CFAP47: variants seen among roughly 807,000 people sequenced by gnomAD.
CFAP47 encodes the protein cilia and flagella associated protein 47, also known as cilia- and flagella-associated protein 47.
A neutral mutation model predicts 148.1 loss-of-function variants in CFAP47; 29 were observed. The ratio of observed to expected loss-of-function variants is 0.20; its 90% CI spans 0.15 to 0.27. The LOEUF is 0.27. Among genes scored for constraint, CFAP47 ranks in the 10% least tolerant of loss-of-function variants. The pLI, the probability that CFAP47 is intolerant of heterozygous loss-of-function variation, is 1.00. For missense variants in CFAP47, 1,872 were observed against 1,697.5 expected, an observed-to-expected ratio of 1.10 and a Z score of -1.81; for synonymous variants, 664 against 577.3, an observed-to-expected ratio of 1.15 and a Z score of -2.15.
rs200182069 is a variant in CFAP47 at position 35,933,482 on chromosome X, G to T, written c.401+7314G>T. Among the ~76,000 whole-genome samples, 35 of 111,973 alleles carry T rather than the reference G, an allele frequency of 3.1e-4. No homozygotes were observed. In the East Asian group the frequency reaches 8.4e-3, roughly 27 times the overall value. Reference sequence around the variant, plus strand: ...AGTTCATCTGTTGATGGACACTTGGGTTGCTTCCAATTCTTGGCTACTGTG... The same window carrying T: ...AGTTCATCTGTTGATGGACACTTGGTTTGCTTCCAATTCTTGGCTACTGTG... On this transcript the variant is annotated intron_variant, in intron 2 of 63. Coordinates refer to ENST00000378653, the MANE Select transcript of CFAP47 (RefSeq NM_001304548.2).
In CFAP47 at chrX:35,970,879, T is replaced by G; in HGVS notation, c.1926T>G (p.Leu642=). 8.4e-7 allele frequency: 1 copy of G among 1,193,397 alleles called. No homozygotes were observed. The highest frequency in any genetic ancestry group is 1.1e-6 in the Non-Finnish European group (1 of 887,022). The change falls in exon 11 of 64, where the codon CTT becomes CTG. Residue 642 remains leucine (L), a synonymous_variant. Transcript: ENST00000378653. ...ATGAAAACTATTATGCAATGTATCTTAAATATTTAAGAAGTGTGCGCTTGC... is the reference window on the plus strand; with the variant it reads ...ATGAAAACTATTATGCAATGTATCTGAAATATTTAAGAAGTGTGCGCTTGC... ...KLHENYYAMY[L]KYLRSVRLQK... is the part of the protein sequence containing the mutation.
At chrX:36,308,400 T>C (rs1941367684) in intron 55 of CFAP47, among the ~76,000 whole-genome samples, 1 of 110,999 alleles carries the variant, frequency 9.0e-6, no homozygotes, top group Non-Finnish European at 1.9e-5. Context: ...TCTCAATATA[T>C]TGCTGTAACC....
At chrX:36,370,858 A>G (rs1383830533) in intron 62 of CFAP47, among the ~76,000 whole-genome samples, 2 of 111,117 alleles carry the variant, frequency 1.8e-5, no homozygotes, top group African/African-American at 6.6e-5. Context: ...CTGAAAAGGA[A>G]CGACCCCCTG....
At chrX:36,248,496 T>TCACACACACACACACACACA (rs60595897) in intron 48 of CFAP47, among the ~76,000 whole-genome samples, 96 of 95,448 alleles carry the variant, frequency 1.0e-3, no homozygotes, top group African/African-American at 3.5e-3. Flanking sequence ...ACATATTATA[T>TCACACACACACACACACACA]CACACACACA....
At chrX:36,235,263 G>C in intron 46 of CFAP47, among the ~76,000 whole-genome samples, 1 of 112,048 alleles carries the variant, frequency 8.9e-6, no homozygotes, top group African/African-American at 3.2e-5. Context: ...AGCTGCGGTG[G>C]GCTCCACCCA....
At chrX:36,026,822 A>G (rs948200959) in intron 22 of CFAP47, among the ~76,000 whole-genome samples, 3 of 110,218 alleles carry the variant, frequency 2.7e-5, no homozygotes, top group African/African-American at 9.9e-5. Flanking sequence ...GAGAATTTTC[A>G]TGTCTGAAAG....
At chrX:36,066,598 C>G (rs1937643874) in intron 27 of CFAP47, among the ~76,000 whole-genome samples, 1 of 111,777 alleles carries the variant, frequency 8.9e-6, no homozygotes, top group South Asian at 3.7e-4. Context: ...AGCCAGGGCT[C>G]TCTCTTGCCT....
In CFAP47 at chrX:36,071,854, G is replaced by A. The variant is rs1171407988; in HGVS notation, c.4348G>A (p.Asp1450Asn). The stretch of plus-strand genomic sequence containing the variant: ...GGATGAATATCTTAAGAAGACTAGA[G>A]ATGGTGTTTTGCCTCCCTACCAGGA... The part of the protein sequence containing the change: ...DKDEYLKKTR[D>N]GVLPPYQDAK... Residue 1450 changes from aspartate (D) to asparagine (N), a missense_variant, in exon 28 of 64, where the codon GAT becomes AAT. Asp to Asn is a conservative substitution (Grantham distance 23). Coordinates refer to ENST00000378653, the MANE Select transcript of CFAP47 (RefSeq NM_001304548.2). 6 of 1,206,008 alleles carry A rather than the reference G, an allele frequency of 5.0e-6. No homozygotes were observed. The highest frequency in any genetic ancestry group is 5.6e-6 in the Non-Finnish European group (5 of 892,738).
At chrX:36,062,626 A>G (rs2059848238) in intron 26 of CFAP47, among the ~76,000 whole-genome samples, 1 of 111,454 alleles carries the variant, frequency 9.0e-6, no homozygotes, top group Non-Finnish European at 1.9e-5. Flanking sequence ...CATCCACAGA[A>G]TACTTATTAA....
intron 57 of CFAP47, among the ~76,000 whole-genome samples, chrX:36,338,843 G>A (rs1941630136): frequency 1.8e-5 from 2 of 111,573 alleles, no homozygotes; most frequent in South Asian, 7.6e-4. Flanking sequence ...AATTTCTTTA[G>A]GTGCTCTGCT....
intron 49 of CFAP47, among the ~76,000 whole-genome samples, chrX:36,253,376 A>G (rs1177251570): frequency 1.8e-5 from 2 of 111,512 alleles, no homozygotes; most frequent in Non-Finnish European, 3.8e-5. Context: ...CCTAGCTCTA[A>G]TTTTTATTGA....
chrX:35,975,218 A>G lies in CFAP47; in HGVS notation c.2326A>G (p.Met776Val). The change falls in exon 14 of 64, where the codon ATG becomes GTG. Residue 776 changes from methionine to valine, a missense_variant. Physicochemically the swap from Met to Val is conservative, Grantham distance 21. Coordinates refer to ENST00000378653, the MANE Select transcript of CFAP47 (RefSeq NM_001304548.2). ...PNTHLLHVINMLPMHVLLQLD... is the reference protein window; with the variant it reads ...PNTHLLHVINVLPMHVLLQLD... ...TACTCATCTACTTCATGTTATTAAT[A>G]TGCTACCTATGCATGTTTTGCTCCA... The G allele has an allele frequency of 1.7e-6, 2 of 1,197,786 alleles. No individual in the cohort carries two copies. The highest frequency in any genetic ancestry group is 3.5e-5 in the South Asian group (2 of 56,519).
chrX:36,241,316 G>A (rs1048632695), intron 48 of CFAP47, among the ~76,000 whole-genome samples: 4 of 111,859 alleles, frequency 3.6e-5, no homozygotes, highest in South Asian at 7.4e-4. Flanking sequence ...GAGTGCAGCC[G>A]TAAGTGTCCA....
chrX:36,232,345 A>G lies in CFAP47; in HGVS notation c.7014+3521A>G, dbSNP rs782518226. Among the ~76,000 whole-genome samples the G allele has an allele frequency of 8.9e-3, 991 of 111,182 alleles. 13 individuals carry two copies. The highest frequency in any genetic ancestry group is 0.03 in the African/African-American group (926 of 30,569). On this transcript the variant is annotated intron_variant, in intron 46 of 63. Coordinates refer to ENST00000378653, the MANE Select transcript of CFAP47 (RefSeq NM_001304548.2). ...CTTCTTCCTGGTTTAGTCTTGGGAGAGTGTATGTGTCAAGGAATTTATCCA... is the reference window on the plus strand; with the variant it reads ...CTTCTTCCTGGTTTAGTCTTGGGAGGGTGTATGTGTCAAGGAATTTATCCA...
intron 21 of CFAP47, among the ~76,000 whole-genome samples, chrX:36,003,516 GAATT>G (rs1238993833): frequency 1.8e-5 from 2 of 109,675 alleles, no homozygotes; most frequent in Non-Finnish European, 3.8e-5. Context: ...GTGAAGGACT[GAATT>G]AATTATTTAA....
intron 22 of CFAP47, among the ~76,000 whole-genome samples, chrX:36,027,432 A>G (rs769274013): frequency 9.0e-6 from 1 of 110,534 alleles, no homozygotes; most frequent in East Asian, 2.9e-4. Flanking sequence ...AAGTAAGAAC[A>G]TGCAGTATTT....
chrX:36,084,838 A>C (rs1238060028), intron 29 of CFAP47, among the ~76,000 whole-genome samples: 1 of 111,783 alleles, frequency 8.9e-6, no homozygotes, highest in Non-Finnish European at 1.9e-5. Flanking sequence ...TAAGCATTAA[A>C]ATACAAATAG....
chrX:36,145,269 C>G lies in CFAP47; in HGVS notation c.5586C>G (p.Val1862=), dbSNP rs764694075. The G allele has an allele frequency of 6.3e-5, 19 of 299,725 alleles. No homozygotes were observed. In the East Asian group the frequency reaches 8.5e-4, roughly 13 times the overall value. 24.7% of individuals were successfully genotyped at this position (299,725 alleles called of 1,213,427 possible). Residue 1862 remains valine, a synonymous_variant, in exon 36 of 64, where the codon GTC becomes GTG. Coordinates refer to ENST00000378653, the MANE Select transcript of CFAP47 (RefSeq NM_001304548.2). ...CAATCCTGATGCTCATGCTTTGTGT[C>G]TACATGTATGAAAGACTCCCTACAT... ...PNPILMLMLC[V]YMYERLPTYL...
intron 62 of CFAP47, chrX:36,374,903 G>A: frequency 2.8e-6 from 2 of 722,252 alleles, no homozygotes; most frequent in Non-Finnish European, 4.3e-6. Flanking sequence ...TGGCACAATG[G>A]AATCAGATTA....
Sources: allele counts gnomAD v4.1 joint callset (sites outside exome capture counted in the v4.1 genomes callset), GRCh38; gene constraint gnomAD v4.1.1; transcripts MANE v1.5; gene names NCBI Gene and HGNC (gene_info 2026-07-23, HGNC 2026-07-21).